Variants in GABBR2 observed in about 807,000 individuals in gnomAD.
The protein encoded by GABBR2 is gamma-aminobutyric acid type B receptor subunit 2.
In GABBR2, 23 loss-of-function variants were observed where a neutral mutation model predicts 105.6. The ratio of observed to expected loss-of-function variants is 0.22; its 90% confidence interval spans 0.16 to 0.31. The LOEUF is 0.31. GABBR2 is among the 10% of genes least tolerant of loss of function. GABBR2 has a pLI of 1.00. For missense variants in GABBR2, 734 were observed against 1,245.5 expected, an observed-to-expected ratio of 0.59 and a Z score of 6.18; for synonymous variants, 478 against 499.7, an observed-to-expected ratio of 0.96 and a Z score of 0.58.
intron 3 of GABBR2, among the ~76,000 whole-genome samples, chr9:98,509,184 T>G (rs1179815237): frequency 1.3e-5 from 2 of 152,002 alleles, no homozygotes; most frequent in Non-Finnish European, 2.9e-5. Flanking sequence ...TCTAGCAAAC[T>G]CCAACAGACC....
At chr9:98,383,282 C>T (rs2131484170) in intron 11 of GABBR2, among the ~76,000 whole-genome samples, 1 of 152,356 alleles carries the variant, frequency 6.6e-6, no homozygotes, top group Non-Finnish European at 1.5e-5. Context: ...CACTGAACCA[C>T]ACCCACAAGG....
chr9:98,440,451 T>C (rs1259407806), intron 7 of GABBR2, among the ~76,000 whole-genome samples: 1 of 152,150 alleles, frequency 6.6e-6, no homozygotes, highest in African/African-American at 2.4e-5. Flanking sequence ...CTTAACCATT[T>C]CATACCTCTT....
chr9:98,419,673 C>A (rs1832748481), intron 7 of GABBR2, among the ~76,000 whole-genome samples: 1 of 152,208 alleles, frequency 6.6e-6, no homozygotes, highest in Non-Finnish European at 1.5e-5. Flanking sequence ...ATTACTTTCT[C>A]TGATACAACC....
chr9:98,577,242 CAT>C (rs1175413876), intron 2 of GABBR2, among the ~76,000 whole-genome samples: 1 of 2,804 alleles, frequency 3.6e-4, no homozygotes, highest in Non-Finnish European at 8.0e-4. Flanking sequence ...AAAAAGTAAA[CAT>C]GTGTATGGGC....
chr9:98,579,625 A>G (rs896144976), intron 1 of GABBR2, among the ~76,000 whole-genome samples: 13 of 152,260 alleles, frequency 8.5e-5, no homozygotes, highest in African/African-American at 3.1e-4. Flanking sequence ...GGTTAAAAAC[A>G]TAATTCTCAT....
At chr9:98,358,881 C>T (rs749247703) in intron 13 of GABBR2, among the ~76,000 whole-genome samples, 17 of 152,038 alleles carry the variant, frequency 1.1e-4, no homozygotes, top group East Asian at 3.9e-4. Flanking sequence ...CCTTTCCACC[C>T]GTATGTGGGG....
intron 13 of GABBR2, among the ~76,000 whole-genome samples, chr9:98,355,265 A>T (rs538805488): frequency 2.0e-5 from 3 of 152,200 alleles, no homozygotes; most frequent in Non-Finnish European, 4.4e-5. Context: ...AAAGATTGAA[A>T]TGTTATGAAA....
chr9:98,634,515 C>T (rs1405628716), intron 1 of GABBR2, among the ~76,000 whole-genome samples: 1 of 152,162 alleles, frequency 6.6e-6, no homozygotes, highest in Middle Eastern at 3.4e-3. Flanking sequence ...GCTTGAGGAC[C>T]GAGGCAGAGA....
intron 1 of GABBR2, among the ~76,000 whole-genome samples, chr9:98,693,068 T>TGTTCCTCACCCGGACACCTCGAG (rs1830705003): frequency 6.6e-6 from 1 of 152,120 alleles, no homozygotes; most frequent in Non-Finnish European, 1.5e-5. Flanking sequence ...GATCAGCGAG[T>TGTTCCTCACCCGGACACCTCGAG]GTTCCTCACC....
intron 3 of GABBR2, among the ~76,000 whole-genome samples, chr9:98,530,576 G>A (rs965982731): frequency 2.0e-5 from 3 of 152,126 alleles, no homozygotes; most frequent in Admixed American, 6.6e-5. Context: ...CCAGAAGTTC[G>A]AGACCAGCCT....
Position 98,388,085 on chromosome 9 carries a change from G to A in GABBR2, c.1529+769C>T, listed in dbSNP as rs187625452. ...GGCTTGGGGCTGGGTTCAGGGATTT[G>A]CTATGGACACCAAAGAAGCAAAATG... On this transcript the variant is annotated intron_variant, in intron 10 of 18. Coordinates refer to ENST00000259455, the MANE Select transcript of GABBR2 (RefSeq NM_005458.8). This position sits in a 1 kb window ranked among gnomAD's most constrained non-coding sequence, Gnocchi z 4.4. 6.6e-6 allele frequency among the ~76,000 whole-genome samples: 1 copy of A among 152,194 alleles called. No individual in the cohort carries two copies. Among genetic ancestry groups the A allele is most frequent in the Non-Finnish European group, 1.5e-5 (1 of 68,038 alleles).
chr9:98,613,815 A>G (rs1829542408), intron 1 of GABBR2, among the ~76,000 whole-genome samples: 1 of 152,244 alleles, frequency 6.6e-6, no homozygotes, highest in Non-Finnish European at 1.5e-5. Context: ...TTGAGAATGA[A>G]CTCAGCCAGA....
At chr9:98,455,981 C>A (rs978602180) in intron 6 of GABBR2, among the ~76,000 whole-genome samples, 1 of 152,198 alleles carries the variant, frequency 6.6e-6, no homozygotes, top group Non-Finnish European at 1.5e-5. Context: ...GCTACCACCA[C>A]TCTGCTCATC....
chr9:98,574,110 G>T (rs1185684601), intron 2 of GABBR2, among the ~76,000 whole-genome samples: 1 of 152,200 alleles, frequency 6.6e-6, no homozygotes, highest in African/African-American at 2.4e-5. Context: ...TGCAAAACAG[G>T]GCAGGGCCTC....
At chr9:98,520,514 C>T (rs568414866) in intron 3 of GABBR2, among the ~76,000 whole-genome samples, 2 of 152,288 alleles carry the variant, frequency 1.3e-5, no homozygotes, top group South Asian at 4.2e-4. Context: ...GTGCTGTCTT[C>T]CTGGGGCAGG....
At chr9:98,394,126 T>C in intron 9 of GABBR2, 49 bp downstream of exon 9, 1 of 1,326,600 alleles carries the variant, frequency 7.5e-7, no homozygotes, top group Non-Finnish European at 1.1e-6. Context: ...TGTCCAGGCT[T>C]GGGAGCAACT....
intron 3 of GABBR2, among the ~76,000 whole-genome samples, chr9:98,521,180 C>G (rs1368426081): frequency 2.0e-5 from 3 of 152,202 alleles, no homozygotes. Flanking sequence ...AGGGGGGAAT[C>G]TGCTTCAGCC....
chr9:98,684,265 G>T (rs1310919983), intron 1 of GABBR2, among the ~76,000 whole-genome samples: 1 of 147,038 alleles, frequency 6.8e-6, no homozygotes, highest in East Asian at 2.1e-4. Context: ...TAAGTCTGAT[G>T]AAATCACCAT....
At chr9:98,515,377 C>T (rs1827737508) in intron 3 of GABBR2, among the ~76,000 whole-genome samples, 1 of 152,202 alleles carries the variant, frequency 6.6e-6, no homozygotes, top group South Asian at 2.1e-4. Flanking sequence ...CTTTGCACTT[C>T]AAGGTGGAGT....
Sources: gnomAD v4.1 joint callset for allele counts (sites outside exome capture counted in the v4.1 genomes callset) on GRCh38, gnomAD v4.1.1 for gene constraint, Gnocchi (gnomAD v3.1) non-coding constraint, MANE v1.5 for transcripts, NCBI Gene and HGNC (gene_info 2026-07-23, HGNC 2026-07-21) for gene names.